The following SKA2 variants were observed in gnomAD, a reference collection of about 807,000 sequenced individuals.
The protein encoded by SKA2 is spindle and kinetochore associated complex subunit 2.
Under a neutral mutation model 16.9 loss-of-function variants are expected in SKA2, and 13 were observed. The ratio of observed to expected loss-of-function variants is 0.77; its 90% confidence interval spans 0.50 to 1.22. SKA2 has a LOEUF of 1.22. SKA2 is among the 50% of genes most tolerant of loss of function. The pLI, the probability that SKA2 is intolerant of heterozygous loss-of-function variation, is 0.00. For synonymous variants in SKA2, 47 were observed against 48.5 expected, an observed-to-expected ratio of 0.97 and a Z score of 0.13; for missense variants, 107 against 139.7, an observed-to-expected ratio of 0.77 and a Z score of 1.18.
In SKA2 at chr17:59,111,494, C is replaced by T. The variant is rs997563364; in HGVS notation, c.*783G>A. ...TATTTTAAAGGGAAATTGACACATACATATAACACACTCACGCAAAACTGG... is the reference window on the plus strand; with the variant it reads ...TATTTTAAAGGGAAATTGACACATATATATAACACACTCACGCAAAACTGG... On this transcript the variant is annotated 3_prime_UTR_variant, in exon 4 of 4. Coordinates refer to ENST00000330137, the MANE Select transcript of SKA2 (RefSeq NM_182620.4). 1.3e-5 allele frequency: 2 copies of T among 152,148 alleles called. No homozygotes were observed. The highest frequency in any genetic ancestry group is 4.8e-5 in the African/African-American group (2 of 41,424). 9.4% of individuals were successfully genotyped at this position (152,148 alleles called of 1,614,324 possible).
At chr17:59,137,742 T>C (rs761552755) in intron 1 of SKA2, 8 of 523,964 alleles carry the variant, frequency 1.5e-5, no homozygotes, top group Admixed American at 8.2e-5. Context: ...TTGTTTCTGC[T>C]ACATACTTTC....
At position 59,119,391 on chromosome 17, in the gene SKA2, C is replaced by T; in HGVS notation, c.225G>A (p.Lys75=). The T allele has an allele frequency of 6.2e-7, 1 of 1,613,962 alleles. No individual in the cohort carries two copies. Among genetic ancestry groups the T allele is most frequent in the African/African-American group, 1.3e-5 (1 of 75,044 alleles). Residue 75 remains lysine, a synonymous_variant, in exon 3 of 4, where the codon AAG becomes AAA. Transcript: ENST00000330137. ...KPVAVEQKES[K]SRICATVKKT... is the part of the protein sequence containing the mutation. ...TTTTCACAGTAGCACAAATGCGGCT[C>T]TTACTCTCTTTCTGCTCAACAGCAA...
At chr17:59,130,264 A>ATT (rs1033975087) in intron 2 of SKA2, among the ~76,000 whole-genome samples, 1 of 150,988 alleles carries the variant, frequency 6.6e-6, no homozygotes, top group African/African-American at 2.4e-5. Flanking sequence ...ATTGTATGGA[A>ATT]TTTTTTTTTA....
chr17:59,139,471 A>G (rs555194899), intron 1 of SKA2, among the ~76,000 whole-genome samples: 2 of 151,706 alleles, frequency 1.3e-5, no homozygotes, highest in Middle Eastern at 3.4e-3. Flanking sequence ...ATCTTAATGG[A>G]ACTAGTTTGG....
At chr17:59,137,302 G>T (rs1207987329) in intron 1 of SKA2, among the ~76,000 whole-genome samples, 1 of 152,160 alleles carries the variant, frequency 6.6e-6, no homozygotes, top group African/African-American at 2.4e-5. Context: ...ACAGGTGTCA[G>T]CCACCACACC....
intron 3 of SKA2, among the ~76,000 whole-genome samples, chr17:59,116,349 G>A (rs995259664): frequency 5.9e-5 from 9 of 152,044 alleles, no homozygotes; most frequent in Admixed American, 3.9e-4. Context: ...CCCCAGCCTC[G>A]GCGACAGAGG....
chr17:59,148,808 CAAAAAA>C (rs758187008), intron 1 of SKA2, among the ~76,000 whole-genome samples: 12 of 47,576 alleles, frequency 2.5e-4, no homozygotes, highest in East Asian at 1.2e-3. Context: ...GACCCTGTCT[CAAAAAA>C]AAAAAAAAAA....
At chr17:59,145,682 A>AATAAG (rs1476685331) in intron 1 of SKA2, among the ~76,000 whole-genome samples, 4 of 152,150 alleles carry the variant, frequency 2.6e-5, no homozygotes, top group Non-Finnish European at 5.9e-5. Flanking sequence ...CTCTGTTACT[A>AATAAG]GCCCGATCTA....
intron 2 of SKA2, among the ~76,000 whole-genome samples, chr17:59,121,793 C>CAA (rs758240217): frequency 3.6e-4 from 29 of 81,146 alleles, no homozygotes; most frequent in East Asian, 2.1e-3. Context: ...TACGAAAATA[C>CAA]AAAAAAAAAA....
At chr17:59,151,981 G>A (rs1469869214) in intron 1 of SKA2, among the ~76,000 whole-genome samples, 3 of 152,146 alleles carry the variant, frequency 2.0e-5, no homozygotes, top group South Asian at 4.1e-4. Context: ...AATGATGGGG[G>A]GAGGTGGGAC....
Position 59,110,628 on chromosome 17 carries a change from A to C in SKA2, c.*1649T>G, listed in dbSNP as rs989380082. Reference sequence around the variant, plus strand: ...AGATGGTGAAGCCCCATCTCTACTAAAAATACAAAAAAATAGCCGGGCGTG... The same window carrying C: ...AGATGGTGAAGCCCCATCTCTACTACAAATACAAAAAAATAGCCGGGCGTG... On this transcript the variant is annotated 3_prime_UTR_variant, in exon 4 of 4. Coordinates refer to ENST00000330137, the MANE Select transcript of SKA2 (RefSeq NM_182620.4). The C allele has an allele frequency of 2.6e-5, 4 of 152,122 alleles. No homozygotes were observed. The highest frequency in any genetic ancestry group is 9.7e-5 in the African/African-American group (4 of 41,370). The allele number at this position is 152,122 out of a possible 1,614,324, so 9.4% of individuals were successfully genotyped here.
chr17:59,124,044 G>C lies in SKA2; in HGVS notation c.121-4549C>G, dbSNP rs191321207. 8.5e-5 allele frequency among the ~76,000 whole-genome samples: 13 copies of C among 152,282 alleles called. No individual in the cohort carries two copies. In the East Asian group the frequency reaches 2.3e-3, roughly 27 times the overall value. On this transcript the variant is annotated intron_variant, in intron 2 of 3. Coordinates refer to ENST00000330137, the MANE Select transcript of SKA2 (RefSeq NM_182620.4). Reference sequence around the variant, plus strand: ...ATACCATAAGACACTGAGATGAGTGGTATCCTTCTTGAGGGTGGGAGTGTG... The same window carrying C: ...ATACCATAAGACACTGAGATGAGTGCTATCCTTCTTGAGGGTGGGAGTGTG...
chr17:59,127,915 T>C (rs2147803466), intron 2 of SKA2, among the ~76,000 whole-genome samples: 1 of 152,164 alleles, frequency 6.6e-6, no homozygotes, highest in African/African-American at 2.4e-5. Flanking sequence ...AACTGATGAC[T>C]GGATAAGAAA....
chr17:59,146,659 T>G (rs1434521669), intron 1 of SKA2, among the ~76,000 whole-genome samples: 1 of 152,180 alleles, frequency 6.6e-6, no homozygotes, highest in Non-Finnish European at 1.5e-5. Context: ...GGATATTCTT[T>G]CTTTCTTCAT....
At chr17:59,119,129 T>C (rs1439068728) in intron 3 of SKA2, among the ~76,000 whole-genome samples, 190 bp downstream of exon 3, 2 of 152,232 alleles carry the variant, frequency 1.3e-5, no homozygotes, top group African/African-American at 4.8e-5. Flanking sequence ...TTATTAACCA[T>C]GTCAAGTCCA....
intron 2 of SKA2, among the ~76,000 whole-genome samples, chr17:59,130,457 C>CAAAAAAAAAA (rs569934567): frequency 1.3e-4 from 9 of 70,342 alleles, no homozygotes; most frequent in South Asian, 4.3e-4. Context: ...ACTAAAAATA[C>CAAAAAAAAAA]AAAAAAAAAA....
At chr17:59,137,640 T>C in intron 1 of SKA2, 2 of 382,204 alleles carry the variant, frequency 5.2e-6, no homozygotes, top group South Asian at 4.0e-5. Flanking sequence ...GTTACCTTCT[T>C]CTAATAAATT....
At chr17:59,113,826 CAAAA>C (rs1042434540) in intron 3 of SKA2, among the ~76,000 whole-genome samples, 1 of 106,852 alleles carries the variant, frequency 9.4e-6, no homozygotes, top group Non-Finnish European at 2.0e-5. Flanking sequence ...AACTCTGTCT[CAAAA>C]AAAAAAAAAA....
At chr17:59,138,165 C>T (rs1188744795) in intron 1 of SKA2, among the ~76,000 whole-genome samples, 1 of 151,882 alleles carries the variant, frequency 6.6e-6, no homozygotes, top group Non-Finnish European at 1.5e-5. Flanking sequence ...AAGTTTTATA[C>T]TGATCTGAAA....
Sources: allele counts gnomAD v4.1 joint callset (sites outside exome capture counted in the v4.1 genomes callset), GRCh38; gene constraint gnomAD v4.1.1; transcripts MANE v1.5; gene names NCBI Gene and HGNC (gene_info 2026-07-23, HGNC 2026-07-21).